Variants in PCDH7 observed in about 807,000 individuals in gnomAD.
PCDH7 encodes protocadherin 7, also known as protocadherin-7.
Under a neutral mutation model 58.9 loss-of-function variants are expected in PCDH7, and 17 were observed. The ratio of observed to expected loss-of-function variants is 0.29; its 90% CI spans 0.20 to 0.43. The LOEUF is 0.43. Among genes scored for constraint, PCDH7 ranks in the 20% least tolerant of loss-of-function variants. PCDH7 has a pLI of 1.00. For synonymous variants in PCDH7, 664 were observed against 616.4 expected, an observed-to-expected ratio of 1.08 and a Z score of -1.14; for missense variants, 1,274 against 1,441.0, an observed-to-expected ratio of 0.88 and a Z score of 1.88.
chr4:30,725,596 A>G (rs1282308154), intron 1 of PCDH7, among the ~76,000 whole-genome samples: 3 of 152,138 alleles, frequency 2.0e-5, no homozygotes, highest in Admixed American at 2.0e-4. Context: ...AAAGTTTGCC[A>G]CACAGCAAAC....
chr4:31,077,181 C>A (rs544869048), intron 3 of PCDH7, among the ~76,000 whole-genome samples: 1 of 151,918 alleles, frequency 6.6e-6, no homozygotes, highest in Non-Finnish European at 1.5e-5. Flanking sequence ...GAGGCCGAGG[C>A]GAGCAGATCA....
At chr4:30,895,462 A>T (rs977719339) in intron 1 of PCDH7, among the ~76,000 whole-genome samples, 1 of 152,120 alleles carries the variant, frequency 6.6e-6, no homozygotes, top group Non-Finnish European at 1.5e-5. Flanking sequence ...AATGTAGGGT[A>T]GGACAAAACG....
intron 3 of PCDH7, among the ~76,000 whole-genome samples, chr4:31,092,830 A>G (rs758368228): frequency 6.6e-6 from 1 of 152,010 alleles, no homozygotes; most frequent in Non-Finnish European, 1.5e-5. Context: ...TCACCACTTT[A>G]TGCTTAGTTT....
At chr4:31,078,486 T>G (rs79782828) in intron 3 of PCDH7, among the ~76,000 whole-genome samples, 2 of 148,636 alleles carry the variant, frequency 1.3e-5, no homozygotes, top group Admixed American at 1.3e-4. Flanking sequence ...TCTTTTTTCT[T>G]TTTTTTTTTT....
chr4:31,066,752 T>A (rs1758127582), intron 3 of PCDH7, among the ~76,000 whole-genome samples: 1 of 151,916 alleles, frequency 6.6e-6, no homozygotes, highest in African/African-American at 2.4e-5. Flanking sequence ...ATATGGAGAG[T>A]ACCATCTGTG....
intron 1 of PCDH7, among the ~76,000 whole-genome samples, chr4:30,740,028 G>A (rs1006050962): frequency 2.0e-5 from 3 of 152,128 alleles, no homozygotes; most frequent in African/African-American, 7.2e-5. Context: ...TAATGATAAA[G>A]CAACACCTAT....
intron 1 of PCDH7, among the ~76,000 whole-genome samples, chr4:30,739,419 T>C (rs2109246763): frequency 6.7e-6 from 1 of 148,432 alleles, no homozygotes; most frequent in South Asian, 2.1e-4. Context: ...GAAATGGCAA[T>C]AATGATGGTA....
intron 1 of PCDH7, among the ~76,000 whole-genome samples, chr4:30,728,504 T>C (rs1457071331): frequency 6.6e-6 from 1 of 151,760 alleles, no homozygotes; most frequent in Admixed American, 6.6e-5. Flanking sequence ...CCTGATACCA[T>C]AGGCAAAACA....
At chr4:31,067,374 CAAAAA>C (rs10715937) in intron 3 of PCDH7, among the ~76,000 whole-genome samples, 4 of 109,602 alleles carry the variant, frequency 3.6e-5, no homozygotes, top group Non-Finnish European at 7.7e-5. Context: ...ATCACTGAGA[CAAAAA>C]AAAAAAAAAA....
intron 3 of PCDH7, among the ~76,000 whole-genome samples, chr4:31,073,222 C>T (rs1008460989): frequency 3.9e-5 from 6 of 152,168 alleles, no homozygotes; most frequent in Admixed American, 2.6e-4. Flanking sequence ...CATAGCATTA[C>T]ATCATTGAAA....
At chr4:31,146,169 A>C (rs2109352908), downstream of PCDH7, 1 of 152,114 alleles carries the variant, frequency 6.6e-6, no homozygotes, top group East Asian at 1.9e-4. Context: ...GGTACTGAGG[A>C]TGTCTGACTG....
intron 1 of PCDH7, among the ~76,000 whole-genome samples, chr4:30,910,434 A>G (rs2109404180): frequency 6.6e-6 from 1 of 152,344 alleles, no homozygotes; most frequent in East Asian, 1.9e-4. Context: ...CAAAGGGCTA[A>G]TATCCAGAAT....
chr4:31,063,341 T>C (rs983465903), intron 3 of PCDH7, among the ~76,000 whole-genome samples: 1 of 151,870 alleles, frequency 6.6e-6, no homozygotes, highest in African/African-American at 2.4e-5. Context: ...CAAATTTTTC[T>C]ATGACATTTA....
At chr4:31,087,065 C>G (rs1412124401) in intron 3 of PCDH7, among the ~76,000 whole-genome samples, 18 of 152,152 alleles carry the variant, frequency 1.2e-4, no homozygotes, top group Non-Finnish European at 2.2e-4. Context: ...AGGCAAATAA[C>G]TGTTCTCTGC....
chr4:31,059,988 G>A (rs1360083356), intron 3 of PCDH7, among the ~76,000 whole-genome samples: 1 of 151,674 alleles, frequency 6.6e-6, no homozygotes, highest in Non-Finnish European at 1.5e-5. Context: ...CATAATGATG[G>A]CTAGAATCAT....
At chr4:30,946,029 A>C (rs1046649166) in intron 2 of PCDH7, among the ~76,000 whole-genome samples, 2 of 152,192 alleles carry the variant, frequency 1.3e-5, no homozygotes, top group Non-Finnish European at 2.9e-5. Flanking sequence ...CCTGAGGAAT[A>C]TGCTAGACTA....
intron 3 of PCDH7, among the ~76,000 whole-genome samples, chr4:30,962,034 C>G: frequency 6.6e-6 from 1 of 152,162 alleles, no homozygotes; most frequent in East Asian, 1.9e-4. Context: ...TTAGTCAACA[C>G]TTAAATTTAT....
At chr4:30,729,310 A>T (rs1014233994) in intron 1 of PCDH7, among the ~76,000 whole-genome samples, 2 of 151,980 alleles carry the variant, frequency 1.3e-5, no homozygotes, top group Non-Finnish European at 2.9e-5. Context: ...TTACTTATTT[A>T]TGACTATATA....
At chr4:31,021,073 T>A (rs1158223965) in intron 3 of PCDH7, among the ~76,000 whole-genome samples, 1 of 152,224 alleles carries the variant, frequency 6.6e-6, no homozygotes, top group Admixed American at 6.5e-5. Context: ...GACCAACGAA[T>A]GTTTCATACA....
Sources: gnomAD v4.1 joint callset for allele counts (sites outside exome capture counted in the v4.1 genomes callset) on GRCh38, gnomAD v4.1.1 for gene constraint, MANE v1.5 for transcripts, NCBI Gene and HGNC (gene_info 2026-07-23, HGNC 2026-07-21) for gene names.